The following ANKFY1 variants were observed in gnomAD, a reference collection of about 807,000 sequenced individuals.
ANKFY1 encodes the protein ankyrin repeat and FYVE domain containing 1, also known as ankyrin repeat and FYVE domain-containing protein 1.
A neutral mutation model predicts 128.3 loss-of-function variants in ANKFY1; 47 were observed. The ratio of observed to expected loss-of-function variants is 0.37; its 90% CI spans 0.29 to 0.47. ANKFY1 has a LOEUF of 0.47. Among genes scored for constraint, ANKFY1 ranks in the 20% least tolerant of loss-of-function variants. The probability of loss-of-function intolerance (pLI) is 1.00; values close to 1 mark genes in which losing one functional copy is unlikely to be tolerated. For missense variants in ANKFY1, 1,222 were observed against 1,510.6 expected (o/e 0.81, Z 3.17); for synonymous variants, 553 against 601.6 (o/e 0.92, Z 1.18).
At chr17:4,176,326 G>A (rs933838513) in intron 19 of ANKFY1, among the ~76,000 whole-genome samples, 1 of 152,248 alleles carries the variant, frequency 6.6e-6, no homozygotes, top group Non-Finnish European at 1.5e-5. Context: ...CAGTTCTGCG[G>A]CATGTGTCTG....
chr17:4,206,469 A>G lies in ANKFY1; in HGVS notation c.750T>C (p.Asn250=), dbSNP rs1486658067. 6.2e-7 allele frequency: 1 copy of G among 1,613,042 alleles called. No individual in the cohort carries two copies. Among genetic ancestry groups the G allele is most frequent in the Non-Finnish European group, 8.5e-7 (1 of 1,179,058 alleles). The change falls in exon 7 of 25, where the codon AAT becomes AAC. Residue 250 remains asparagine (N), a synonymous_variant. Coordinates refer to ENST00000341657, the MANE Select transcript of ANKFY1 (RefSeq NM_001330063.2). ...EMDSQLPGKL[N]EADHNGDLAL... ...CCAGATCTCCGTTATGATCCGCTTCATTCAGCTTCCCAGGGAGCTACACAA... is the reference window on the plus strand; with the variant it reads ...CCAGATCTCCGTTATGATCCGCTTCGTTCAGCTTCCCAGGGAGCTACACAA...
At chr17:4,263,807 C>A in intron 1 of ANKFY1, 125 bp downstream of exon 1, 1 of 1,605,180 alleles carries the variant, frequency 6.2e-7, no homozygotes, top group Non-Finnish European at 8.5e-7. Context: ...GACAGGAAGG[C>A]TCGCGAGACC....
At chr17:4,219,319 C>G (rs768511158) in intron 3 of ANKFY1, among the ~76,000 whole-genome samples, 3 of 152,174 alleles carry the variant, frequency 2.0e-5, no homozygotes, top group African/African-American at 4.8e-5. Context: ...GCAAGTAATT[C>G]TCACGGTGTT....
chr17:4,206,139 C>T (rs933781108), intron 7 of ANKFY1, among the ~76,000 whole-genome samples, 182 bp downstream of exon 7: 2 of 152,224 alleles, frequency 1.3e-5, no homozygotes, highest in East Asian at 1.9e-4. Flanking sequence ...CAAACTAACA[C>T]GGCATAGGCA....
intron 3 of ANKFY1, among the ~76,000 whole-genome samples, chr17:4,232,412 T>C (rs2060528549): frequency 2.0e-5 from 3 of 152,168 alleles, no homozygotes; most frequent in Non-Finnish European, 2.9e-5. Flanking sequence ...CACATGCCAC[T>C]ACCACCTTGG....
intron 1 of ANKFY1, among the ~76,000 whole-genome samples, chr17:4,263,014 G>T (rs956199699): frequency 6.6e-6 from 1 of 152,072 alleles, no homozygotes; most frequent in Non-Finnish European, 1.5e-5. Flanking sequence ...AATAAACAAA[G>T]GTCAAATAAG....
rs1460841506 is a variant in ANKFY1 at position 4,164,463 on chromosome 17, A to C, written c.*3316T>G. ...GGTGCCACCTGCTTCCTCTGCCACC[A>C]GGCTGGGGTGGGGAGCTTTGGTGCT... On this transcript the variant is annotated 3_prime_UTR_variant, in exon 25 of 25. Transcript: ENST00000341657. 2 of 152,494 alleles carry C rather than the reference A, an allele frequency of 1.3e-5. No homozygotes were observed. Among genetic ancestry groups the C allele is most frequent in the Non-Finnish European group, 2.9e-5 (2 of 68,050 alleles). 9.4% of individuals were successfully genotyped at this position (152,494 alleles called of 1,614,324 possible).
At chr17:4,182,387 T>C in intron 14 of ANKFY1, 38 bp from the exon 15 acceptor site, 1 of 1,483,200 alleles carries the variant, frequency 6.7e-7, no homozygotes, top group Non-Finnish European at 9.1e-7. Flanking sequence ...CGTTTGTGGT[T>C]GAACCCAAAG....
chr17:4,194,918 A>G, intron 10 of ANKFY1, 60 bp downstream of exon 10: 1 of 1,561,330 alleles, frequency 6.4e-7, no homozygotes, highest in Non-Finnish European at 8.8e-7. Context: ...AGGCATTTAC[A>G]TGCCATTTCC....
At chr17:4,240,712 C>T (rs1304402015) in intron 2 of ANKFY1, among the ~76,000 whole-genome samples, 3 of 152,150 alleles carry the variant, frequency 2.0e-5, no homozygotes, top group African/African-American at 4.8e-5. Context: ...CTTCTTAAAA[C>T]GCCACCCTGA....
At chr17:4,252,103 C>T (rs969091364) in intron 1 of ANKFY1, among the ~76,000 whole-genome samples, 5 of 150,502 alleles carry the variant, frequency 3.3e-5, no homozygotes, top group African/African-American at 7.3e-5. Flanking sequence ...TAAGACAACC[C>T]GATAAAAAAG....
chr17:4,233,436 T>C (rs2060548544), intron 3 of ANKFY1, among the ~76,000 whole-genome samples: 1 of 152,164 alleles, frequency 6.6e-6, no homozygotes, highest in Non-Finnish European at 1.5e-5. Context: ...AAAAAACTAT[T>C]TCCCAGGCAA....
intron 1 of ANKFY1, among the ~76,000 whole-genome samples, chr17:4,255,879 G>A (rs549644293): frequency 2.6e-5 from 4 of 151,282 alleles, no homozygotes; most frequent in South Asian, 4.2e-4. Context: ...GTGCAATGGC[G>A]CGATCTCAGC....
intron 2 of ANKFY1, among the ~76,000 whole-genome samples, chr17:4,241,846 C>A (rs1967241950): frequency 6.6e-6 from 1 of 151,518 alleles, no homozygotes; most frequent in Non-Finnish European, 1.5e-5. Flanking sequence ...TCCCAGCACT[C>A]TGGGAGGCCG....
chr17:4,258,634 A>G (rs1216592556), intron 1 of ANKFY1, among the ~76,000 whole-genome samples: 1 of 152,178 alleles, frequency 6.6e-6, no homozygotes. Flanking sequence ...ACTTCTGGCA[A>G]TGGTGCAAGT....
At position 4,179,060 on chromosome 17, in the gene ANKFY1, A is replaced by G. The variant is rs902838538; in HGVS notation, c.2398-3T>C. The stretch of plus-strand genomic sequence containing the variant: ...ATGGGGGTTCTTCCTTCTGCATCCT[A>G]TGGAACAAGGCACAGAATTTAATGT... On this transcript the variant is annotated splice_polypyrimidine_tract_variant and splice_region_variant and intron_variant, in intron 17 of 24. Transcript: ENST00000341657. 3.7e-6 allele frequency: 6 copies of G among 1,613,814 alleles called. No homozygotes were observed. The highest frequency in any genetic ancestry group is 3.3e-5 in the South Asian group (3 of 91,082).
Position 4,256,341 on chromosome 17 carries a change from C to T in ANKFY1, c.10+7591G>A, listed in dbSNP as rs181629874. ...TACTCAGGAGGCGGAGGCAGGAGAACGGCGTGAACCCGGGAGGTGGAGCCT... is the reference window on the plus strand; with the variant it reads ...TACTCAGGAGGCGGAGGCAGGAGAATGGCGTGAACCCGGGAGGTGGAGCCT... On this transcript the variant is annotated intron_variant, in intron 1 of 24. Coordinates refer to ENST00000341657, the MANE Select transcript of ANKFY1 (RefSeq NM_001330063.2). Among the ~76,000 whole-genome samples the T allele has an allele frequency of 4.4e-3, 669 of 152,118 alleles. 4 individuals carry two copies. The highest frequency in any genetic ancestry group is 6.8e-3 in the Middle Eastern group (2 of 294).
Position 4,169,292 on chromosome 17 carries a change from C to T in ANKFY1, c.3287-4G>A. 1 of 1,546,282 alleles carries T rather than the reference C, an allele frequency of 6.5e-7. No individual in the cohort carries two copies. Among genetic ancestry groups the T allele is most frequent in the Non-Finnish European group, 8.7e-7 (1 of 1,143,814 alleles). On this transcript the variant is annotated splice_region_variant and splice_polypyrimidine_tract_variant and intron_variant, in intron 23 of 24. Transcript: ENST00000341657. The surrounding 1 kb of genome is among the most constrained non-coding windows in gnomAD (Gnocchi z 5.0). ...GGAGGCTCCTTGGACAGCATATCTG[C>T]AACACAGGGGGGAGGCCCGGTCCCG...
intron 2 of ANKFY1, among the ~76,000 whole-genome samples, chr17:4,241,812 C>CGGCA (rs1177262091): frequency 1.3e-5 from 2 of 151,626 alleles, no homozygotes; most frequent in Non-Finnish European, 2.9e-5. Context: ...GCCTCGGGCC[C>CGGCA]GGCACGGTGG....
Sources: allele counts gnomAD v4.1 joint callset (sites outside exome capture counted in the v4.1 genomes callset), GRCh38; gene constraint gnomAD v4.1.1; non-coding constraint Gnocchi (gnomAD v3.1); transcripts MANE v1.5; gene names NCBI Gene and HGNC (gene_info 2026-07-23, HGNC 2026-07-21).